The following NEB variants were observed in gnomAD, a reference collection of about 807,000 sequenced individuals.
NEB encodes nebulin.
In NEB, 512 loss-of-function variants were observed where a neutral mutation model predicts 952.2. That is an observed-to-expected ratio of 0.54 (90% CI 0.50 to 0.58). The LOEUF is 0.58. Among genes scored for constraint, NEB ranks in the 20% least tolerant of loss-of-function variants. The probability of loss-of-function intolerance (pLI) is 0.00; values close to 1 mark genes in which losing one functional copy is unlikely to be tolerated. For synonymous variants in NEB, 2,900 were observed against 3,149.8 expected, an observed-to-expected ratio of 0.92 and a Z score of 2.66; for missense variants, 8,428 against 9,231.1, an observed-to-expected ratio of 0.91 and a Z score of 3.56.
intron 161 of NEB, among the ~76,000 whole-genome samples, 194 bp from the exon 162 acceptor site, chr2:151,508,303 T>C (rs1038902980): frequency 7.2e-5 from 11 of 152,344 alleles, no homozygotes; most frequent in Admixed American, 3.3e-4. Context: ...ATACTTTTTC[T>C]TTCCAGGAAA....
chr2:151,674,854 C>A (rs2099346833), intron 35 of NEB, among the ~76,000 whole-genome samples: 1 of 152,138 alleles, frequency 6.6e-6, no homozygotes, highest in African/African-American at 2.4e-5. Flanking sequence ...TTCTGGAAAC[C>A]ATGGTATGTG....
Position 151,553,547 on chromosome 2 carries a change from T to C in NEB, c.19627-45A>G, listed in dbSNP as rs2095458352. 3 of 1,342,830 alleles carry C rather than the reference T, an allele frequency of 2.2e-6. No individual in the cohort carries two copies. In the East Asian group the frequency reaches 6.9e-5, roughly 31 times the overall value. The allele number at this position is 1,342,830 out of a possible 1,614,324, so 83.2% of individuals were successfully genotyped here. A position where few individuals can be genotyped will look rare whatever the true frequency, so the allele number is the denominator to read the frequency against. The stretch of plus-strand genomic sequence containing the variant: ...AGGATCAGAAAAAAAAAATTGACCA[T>C]AATAACTTTAACACTAAAAACAGAG... On this transcript the variant is annotated intron_variant, in intron 126 of 181. Transcript: ENST00000397345.
At chr2:151,662,820 G>A (rs969096350) in intron 45 of NEB, among the ~76,000 whole-genome samples, 1 of 152,124 alleles carries the variant, frequency 6.6e-6, no homozygotes, top group African/African-American at 2.4e-5. Flanking sequence ...AAACCTTCCT[G>A]GTACTTTGTG....
rs1290749448 is a variant in NEB at position 151,499,318 on chromosome 2, T to C, written c.24094A>G (p.Asn8032Asp). Reference sequence around the variant, plus strand: ...AATACCGAACTAAAGTTTTCTTGATTGTGTTTGACTCTCTCCATCTCTGGA... The same window carrying C: ...AATACCGAACTAAAGTTTTCTTGATCGTGTTTGACTCTCTCCATCTCTGGA... ...ITPEMERVKH[N>D]QENFSSVLYK... Residue 8032 changes from asparagine to aspartate, a missense_variant, in exon 169 of 182, where the codon AAT (asparagine) becomes GAT (aspartate). Transcript: ENST00000397345. The C allele has an allele frequency of 6.6e-7, 1 of 1,524,476 alleles. No homozygotes were observed. The highest frequency in any genetic ancestry group is 2.5e-5 in the East Asian group (1 of 40,316). 94.4% of individuals were successfully genotyped at this position (1,524,476 alleles called of 1,614,324 possible). A position where few individuals can be genotyped will look rare whatever the true frequency, so the allele number is the denominator to read the frequency against.
intron 44 of NEB, 53 bp downstream of exon 44, chr2:151,664,448 G>A (rs1170440294): frequency 7.6e-7 from 1 of 1,311,740 alleles, no homozygotes; most frequent in African/African-American, 1.5e-5. Flanking sequence ...CACAAGCTTA[G>A]CGCATTTGTT....
chr2:151,706,337 ATCTCTC>A (rs559330245), intron 13 of NEB, among the ~76,000 whole-genome samples: 4 of 149,998 alleles, frequency 2.7e-5, no homozygotes, highest in Non-Finnish European at 5.9e-5. Flanking sequence ...CACATATTCA[ATCTCTC>A]TCTCTCTCTC....
In NEB at chr2:151,669,055, GC is replaced by G. The variant is rs759799043; in HGVS notation, c.4582del (p.Ala1528ProfsTer8). 6.3e-7 allele frequency: 1 copy of G among 1,597,746 alleles called. No homozygotes were observed. Among genetic ancestry groups the G allele is most frequent in the South Asian group, 1.1e-5 (1 of 88,052 alleles). ...ACTCATGTTGAGGGCGTTGACTTTG[GC>G]TTGAATAAACTGAGGCAATTCAGGG... ...IDPELPQFIQAKVNALNMSDA... is the reference protein window; with the variant it reads ...IDPELPQFIQXKVNALNMSDA... On this transcript the variant is annotated frameshift_variant, in exon 39 of 182. Transcript: ENST00000397345. LOFTEE classifies it high-confidence loss of function.
In NEB at chr2:151,643,875, G is replaced by A. The variant is rs2098919716; in HGVS notation, c.7899C>T (p.Cys2633=). ...GGATGACATCGCTCTGGTCGGGCAG[G>A]CATGTCCACTGGTGCAGGTAGTTCT... The part of the protein sequence containing the change: ...DYKNYLHQWT[C]LPDQSDVIHA... Residue 2633 remains cysteine (C), a synonymous_variant, in exon 57 of 182, where the codon TGC becomes TGT. Transcript: ENST00000397345. 1.5e-5 allele frequency: 24 copies of A among 1,614,026 alleles called. No homozygotes were observed. Among genetic ancestry groups the A allele is most frequent in the Non-Finnish European group, 2.0e-5 (24 of 1,179,878 alleles).
rs138447923 is a variant in NEB, at chr2:151,694,248, G to A, written c.1896+75C>T. On this transcript the variant is annotated intron_variant, in intron 20 of 181. Coordinates refer to ENST00000397345, the MANE Select transcript of NEB (RefSeq NM_001164508.2). ...AATCCAAGATTTCAGTTAGGCTAACGTCCATCCAAGGTTATATTAAACAGC... is the reference window on the plus strand; with the variant it reads ...AATCCAAGATTTCAGTTAGGCTAACATCCATCCAAGGTTATATTAAACAGC... The A allele has an allele frequency of 1.3e-4, 158 of 1,222,214 alleles. No individual in the cohort carries two copies. In the Middle Eastern group the frequency reaches 1.9e-3, roughly 15 times the overall value. The allele number at this position is 1,222,214 out of a possible 1,614,324, so 75.7% of individuals were successfully genotyped here.
chr2:151,644,612 T>G (rs759857166), intron 55 of NEB, 37 bp from the exon 56 acceptor site: 10 of 1,512,138 alleles, frequency 6.6e-6, no homozygotes, highest in Non-Finnish European at 8.3e-6. Context: ...GAAATACTGT[T>G]CCCCATAGAC....
At chr2:151,724,814 C>T in intron 7 of NEB, 43 bp downstream of exon 7, 1 of 1,514,376 alleles carries the variant, frequency 6.6e-7, no homozygotes, top group Non-Finnish European at 9.1e-7. Flanking sequence ...AGAGGTGATG[C>T]ACATGCTACT....
chr2:151,550,416 T>G (rs1448286512), intron 129 of NEB, among the ~76,000 whole-genome samples: 2 of 152,090 alleles, frequency 1.3e-5, no homozygotes, highest in African/African-American at 4.8e-5. Context: ...CCTCAGGTGA[T>G]GATATGCAAG....
chr2:151,661,916 T>C (rs1012854404), intron 46 of NEB, among the ~76,000 whole-genome samples: 11 of 152,154 alleles, frequency 7.2e-5, no homozygotes, highest in African/African-American at 2.7e-4. Flanking sequence ...ATTTATTTGG[T>C]TATGTCAATG....
rs1187124982 is a variant in NEB, at chr2:151,691,893, C to T, written c.2182G>A (p.Ala728Thr). The T allele has an allele frequency of 6.2e-7, 1 of 1,602,334 alleles. No individual in the cohort carries two copies. The highest frequency in any genetic ancestry group is 8.5e-7 in the Non-Finnish European group (1 of 1,173,052). The change falls in exon 23 of 182, where the codon GCA becomes ACA. Residue 728 changes from alanine (A) to threonine (T), a missense_variant. Ala to Thr is a moderately conservative substitution (Grantham distance 58). This residue lies in a region of NEB where 2,851 missense variants were observed against 2,791.5 expected (regional missense o/e 1.02). Coordinates refer to ENST00000397345, the MANE Select transcript of NEB (RefSeq NM_001164508.2). The stretch of plus-strand genomic sequence containing the variant: ...TTACACTGGTCCAGCTTCTTGATTG[C>T]TTCATATTCTTGTGTTATTGTCTGA... ...FPQTITQEYE[A>T]IKKLDQCKDH...
At chr2:151,486,037 T>TCTG in intron 181 of NEB, 104 bp from the exon 182 acceptor site, 1 of 1,215,696 alleles carries the variant, frequency 8.2e-7, no homozygotes, top group East Asian at 2.5e-5. Flanking sequence ...CAAACTTAAG[T>TCTG]TGAACAAAAG....
At chr2:151,674,284 T>C (rs1012334913) in intron 36 of NEB, among the ~76,000 whole-genome samples, 193 bp downstream of exon 36, 3 of 152,204 alleles carry the variant, frequency 2.0e-5, no homozygotes, top group African/African-American at 4.8e-5. Context: ...TTATGACAGC[T>C]CTACCAAGTG....
At chr2:151,726,888 A>AT (rs35110901) in intron 5 of NEB, among the ~76,000 whole-genome samples, 12 of 150,370 alleles carry the variant, frequency 8.0e-5, no homozygotes, top group Middle Eastern at 3.4e-3. Context: ...AGATCCTACA[A>AT]TTTTTTTTTT....
At chr2:151,601,644 G>A (rs371301797) in intron 88 of NEB, among the ~76,000 whole-genome samples, 585 of 25,504 alleles carry the variant, frequency 0.023, 17 homozygotes, top group East Asian at 0.17. Flanking sequence ...ATCTCTTTAA[G>A]TACTTGTAAA....
chr2:151,691,998 T>C, intron 22 of NEB, 30 bp from the exon 23 acceptor site: 1 of 1,608,228 alleles, frequency 6.2e-7, no homozygotes, highest in Non-Finnish European at 8.5e-7. Flanking sequence ...AAATAGATCA[T>C]GATTGTTATG....
Sources: allele counts gnomAD v4.1 joint callset (sites outside exome capture counted in the v4.1 genomes callset), GRCh38; gene constraint gnomAD v4.1.1; regional missense constraint gnomAD v4.1.1; transcripts MANE v1.5; gene names NCBI Gene and HGNC (gene_info 2026-07-23, HGNC 2026-07-21).